SLC1A6: variants seen among roughly 807,000 people sequenced by gnomAD.
The protein encoded by SLC1A6 is solute carrier family 1 member 6.
A neutral mutation model predicts 42.1 loss-of-function variants in SLC1A6; 15 were observed. The observed-to-expected ratio is 0.36, with a 90% CI of 0.24 to 0.55. The LOEUF is 0.55. Ranked by LOEUF, SLC1A6 falls within the 20% of genes least tolerant of loss-of-function variation. The pLI is 0.88. For synonymous variants in SLC1A6, 317 were observed against 319.7 expected (o/e 0.99, Z 0.09); for missense variants, 542 against 772.5 (o/e 0.70, Z 3.54).
At position 14,958,410 on chromosome 19, in the gene SLC1A6, C is replaced by CA. The variant is rs5827266; in HGVS notation, c.936-1702dup. On this transcript the variant is annotated intron_variant, in intron 6 of 9. Coordinates refer to ENST00000594383, the MANE Select transcript of SLC1A6 (RefSeq NM_005071.3). ...TGGGCGACAGAGCCAGACTGCATCT[C>CA]AAAAAAAAAAAAAAATTTGAAATCT... 7.2e-3 allele frequency among the ~76,000 whole-genome samples: 984 copies of CA among 137,004 alleles called. 9 individuals are homozygous for CA. Among genetic ancestry groups the CA allele is most frequent in the African/African-American group, 0.017 (629 of 37,738 alleles). 89.9% of individuals were successfully genotyped at this position (137,004 alleles called of 152,430 possible). A position where few individuals can be genotyped will look rare whatever the true frequency, so the allele number is the denominator to read the frequency against.
At chr19:14,983,667 G>A (rs985427518), upstream of SLC1A6, among the ~76,000 whole-genome samples, 1 of 132,268 alleles carries the variant, frequency 7.6e-6, no homozygotes, top group African/African-American at 2.9e-5. Flanking sequence ...CTGCCTGGGC[G>A]ACAGAGCAAG....
At chr19:14,963,789 C>T (rs74806396) in intron 5 of SLC1A6, among the ~76,000 whole-genome samples, 84 of 151,820 alleles carry the variant, frequency 5.5e-4, no homozygotes, top group African/African-American at 2.0e-3. Flanking sequence ...GCCTTGTTGC[C>T]TCCTCTAGCC....
At chr19:14,975,455 G>C (rs8113713) in intron 1 of SLC1A6, among the ~76,000 whole-genome samples, 109,434 of 151,816 alleles carry the variant, frequency 0.72, 39,723 homozygotes, top group African/African-American at 0.81. Context: ...TAAAAGGGAA[G>C]CAAAAAAAAT....
chr19:14,950,253 A>G lies in SLC1A6; in HGVS notation c.1637T>C (p.Leu546Pro). 6.2e-7 allele frequency: 1 copy of G among 1,609,450 alleles called. No homozygotes were observed. Among genetic ancestry groups the G allele is most frequent in the East Asian group, 2.2e-5 (1 of 44,668 alleles). Residue 546 changes from leucine (L) to proline (P), a missense_variant, in exon 10 of 10, where the codon CTC (leucine) becomes CCC (proline). Around this residue, in one of 6 missense-constraint regions of SLC1A6, gnomAD observed 73 missense variants for 85.2 expected, o/e 0.86. Transcript: ENST00000594383. ...LPSLGKPYKS[L>P]MAQEKGASRG... ...GGATGCCCCCTTCTCCTGTGCCATG[A>G]GGGACTTGTAGGGTTTCCCCAGGCT...
chr19:14,969,826 G>C (rs1320787906), intron 3 of SLC1A6, among the ~76,000 whole-genome samples: 1 of 152,124 alleles, frequency 6.6e-6, no homozygotes, highest in Admixed American at 6.5e-5. Context: ...ATGCCCATTT[G>C]TTCTCATATT....
upstream of SLC1A6, chr19:14,980,113 C>T (rs2045757670): frequency 6.6e-6 from 1 of 152,308 alleles, no homozygotes; most frequent in African/African-American, 2.4e-5. Flanking sequence ...CTGCCCCCTT[C>T]TCCTTGCGGG....
intron 1 of SLC1A6, among the ~76,000 whole-genome samples, chr19:14,998,003 T>TTG (rs58791691): frequency 1.8e-3 from 257 of 140,516 alleles, no homozygotes; most frequent in East Asian, 5.0e-3. Flanking sequence ...AATATGATGT[T>TTG]TGTGTGTGTG....
chr19:14,996,064 C>T (rs558452613), intron 1 of SLC1A6, among the ~76,000 whole-genome samples: 2 of 152,182 alleles, frequency 1.3e-5, no homozygotes, highest in East Asian at 1.9e-4. Flanking sequence ...TCAACCAAAT[C>T]CTATTTATAA....
intron 1 of SLC1A6, among the ~76,000 whole-genome samples, chr19:14,989,121 G>A (rs996055737): frequency 6.6e-6 from 1 of 152,116 alleles, no homozygotes; most frequent in Non-Finnish European, 1.5e-5. Flanking sequence ...CAAAAGGTGG[G>A]AGGGTCGGGG....
chr19:14,952,095 T>C (rs2045418834), intron 9 of SLC1A6, among the ~76,000 whole-genome samples: 1 of 151,144 alleles, frequency 6.6e-6, no homozygotes, highest in Non-Finnish European at 1.5e-5. Context: ...TACAGGCACA[T>C]GTCACTGTGT....
chr19:14,965,501 G>A (rs1476832170), intron 4 of SLC1A6, among the ~76,000 whole-genome samples: 1 of 152,126 alleles, frequency 6.6e-6, no homozygotes, highest in Non-Finnish European at 1.5e-5. Context: ...CAACTGATGA[G>A]TGCATAAAGA....
At chr19:14,979,883 G>A (rs966584021), upstream of SLC1A6, 1 of 152,088 alleles carries the variant, frequency 6.6e-6, no homozygotes, top group Non-Finnish European at 1.5e-5. This position sits in a 1 kb window ranked among gnomAD's most constrained non-coding sequence, Gnocchi z 4.2. Context: ...GCGGGGGTGA[G>A]TGGCCTCTCC....
chr19:14,996,929 C>T (rs2045850240), intron 1 of SLC1A6, among the ~76,000 whole-genome samples: 1 of 152,084 alleles, frequency 6.6e-6, no homozygotes, highest in Non-Finnish European at 1.5e-5. Flanking sequence ...CAGTGGGCTC[C>T]CTTCCTTGGA....
chr19:14,974,540 A>C (rs1308104146), intron 1 of SLC1A6: 2 of 151,922 alleles, frequency 1.3e-5, no homozygotes, highest in Non-Finnish European at 2.9e-5. Flanking sequence ...GCGGCTCAGA[A>C]ATTGTGATTT....
intron 1 of SLC1A6, among the ~76,000 whole-genome samples, chr19:14,989,714 C>T (rs1382680892): frequency 2.7e-5 from 4 of 150,126 alleles, no homozygotes; most frequent in Non-Finnish European, 1.5e-5. Flanking sequence ...GTGGCTCATG[C>T]CTGTAATTTC....
intron 1 of SLC1A6, among the ~76,000 whole-genome samples, chr19:15,008,642 G>A (rs1202738159): frequency 6.6e-6 from 1 of 152,118 alleles, no homozygotes; most frequent in Non-Finnish European, 1.5e-5. Context: ...CTATAGCAAA[G>A]TTATGGAATC....
chr19:14,956,097 G>A (rs2045460407), intron 7 of SLC1A6, among the ~76,000 whole-genome samples: 1 of 151,982 alleles, frequency 6.6e-6, no homozygotes, highest in Admixed American at 6.6e-5. Flanking sequence ...AGGATGAAGG[G>A]GAAGAAGAAG....
intron 1 of SLC1A6, among the ~76,000 whole-genome samples, chr19:14,991,493 C>T (rs1440308557): frequency 2.6e-5 from 4 of 151,774 alleles, no homozygotes; most frequent in East Asian, 1.9e-4. Flanking sequence ...TGTGGTGATG[C>T]GCACATGTAA....
intron 1 of SLC1A6, among the ~76,000 whole-genome samples, chr19:14,996,470 CCTCCTT>C: frequency 1.3e-5 from 2 of 151,924 alleles, no homozygotes; most frequent in South Asian, 4.2e-4. Flanking sequence ...TTCTCCTCCT[CCTCCTT>C]CTCCTTCCCC....
Sources: gnomAD v4.1 joint callset for allele counts (sites outside exome capture counted in the v4.1 genomes callset) on GRCh38, gnomAD v4.1.1 for gene constraint, gnomAD v4.1.1 regional missense constraint, Gnocchi (gnomAD v3.1) non-coding constraint, MANE v1.5 for transcripts, NCBI Gene and HGNC (gene_info 2026-07-23, HGNC 2026-07-21) for gene names.